The following ANKRD55 variants were observed in gnomAD, a reference collection of about 807,000 sequenced individuals.
ANKRD55 encodes the protein ankyrin repeat domain-containing protein 55.
A neutral mutation model predicts 60.6 loss-of-function variants in ANKRD55; 41 were observed. That is an observed-to-expected ratio of 0.68 (90% confidence interval 0.53 to 0.88). The LOEUF (loss-of-function observed/expected upper bound fraction) is 0.88, where lower values mean the gene tolerates loss of function less well. Ranked by LOEUF, ANKRD55 falls within the 40% of genes least tolerant of loss-of-function variation. The probability of loss-of-function intolerance (pLI) is 0.00; values close to 1 mark genes in which losing one functional copy is unlikely to be tolerated. For synonymous variants in ANKRD55, 264 were observed against 290.3 expected (o/e 0.91, Z 0.92); for missense variants, 732 against 767.6 (o/e 0.95, Z 0.55).
chr5:56,111,250 G>T lies in ANKRD55; in HGVS notation c.1498C>A (p.Gln500Lys), dbSNP rs1256832586. Residue 500 changes from glutamine (Q) to lysine (K), a missense_variant, in exon 10 of 12, where the codon CAG becomes AAG. Physicochemically the swap from Gln to Lys is moderately conservative, Grantham distance 53. Around this residue, in one of 3 missense-constraint regions of ANKRD55, gnomAD observed 597 missense variants for 607.5 expected, o/e 0.98. Transcript: ENST00000341048. ...LDNPWKSDSN[Q>K]VFSYKVWTVS... ...GTCCAAACTTTGTAGGAAAATACCT[G>T]ATTAGAATCACTCTTCCAGGGGTTA... 2 of 1,613,830 alleles carry T rather than the reference G, an allele frequency of 1.2e-6. No individual in the cohort carries two copies. Among genetic ancestry groups the T allele is most frequent in the Non-Finnish European group, 1.7e-6 (2 of 1,179,678 alleles).
At chr5:56,144,923 T>A (rs983205798) in intron 6 of ANKRD55, among the ~76,000 whole-genome samples, 1 of 152,186 alleles carries the variant, frequency 6.6e-6, no homozygotes, top group African/African-American at 2.4e-5. Flanking sequence ...TGAATTGAAA[T>A]GAAGATGCCT....
chr5:56,199,936 G>A (rs532448532), intron 2 of ANKRD55, among the ~76,000 whole-genome samples: 3 of 151,692 alleles, frequency 2.0e-5, no homozygotes, highest in African/African-American at 7.3e-5. Context: ...CTTGAGACCA[G>A]TAGTTGGAGA....
intron 2 of ANKRD55, among the ~76,000 whole-genome samples, chr5:56,199,717 T>C (rs534312397): frequency 3.6e-4 from 55 of 151,744 alleles, no homozygotes; most frequent in South Asian, 8.4e-4. Flanking sequence ...GGTGAAACCC[T>C]GTCTCTACTA....
chr5:56,135,368 C>CTTCTTTCTTTCCTTCTTTCT (rs1757565854), intron 7 of ANKRD55, among the ~76,000 whole-genome samples: 1 of 49,144 alleles, frequency 2.0e-5, no homozygotes, highest in African/African-American at 8.0e-5. Flanking sequence ...TCTTTCTTTC[C>CTTCTTTCTTTCCTTCTTTCT]TTCTTTCTTT....
chr5:56,103,328 C>T (rs1756346643), intron 10 of ANKRD55, among the ~76,000 whole-genome samples: 2 of 152,194 alleles, frequency 1.3e-5, no homozygotes, highest in African/African-American at 4.8e-5. Flanking sequence ...TGTATTTACA[C>T]CGTGAAAAAT....
At chr5:56,196,791 C>G (rs1759238005) in intron 2 of ANKRD55, among the ~76,000 whole-genome samples, 1 of 152,174 alleles carries the variant, frequency 6.6e-6, no homozygotes, top group South Asian at 2.1e-4. Context: ...CTGCAGACCC[C>G]AGTCTCAGAA....
intron 6 of ANKRD55, among the ~76,000 whole-genome samples, chr5:56,151,539 G>A (rs969485794): frequency 1.3e-5 from 2 of 152,018 alleles, no homozygotes; most frequent in East Asian, 1.9e-4. Flanking sequence ...TAGGCTGGGC[G>A]TGGTGGCTCA....
intron 2 of ANKRD55, chr5:56,192,658 C>T: frequency 3.8e-6 from 4 of 1,041,770 alleles, no homozygotes; most frequent in Non-Finnish European, 5.9e-6. Flanking sequence ...AGGGTGACAC[C>T]CAGACTAATG....
intron 2 of ANKRD55, among the ~76,000 whole-genome samples, chr5:56,230,993 C>T: frequency 6.6e-6 from 1 of 152,270 alleles, no homozygotes; most frequent in African/African-American, 2.4e-5. Flanking sequence ...TATTTTAGAT[C>T]CTCACAACAA....
chr5:56,152,082 G>A (rs496169), intron 6 of ANKRD55, among the ~76,000 whole-genome samples: 123,233 of 135,728 alleles, frequency 0.91, 56,238 homozygotes, highest in Non-Finnish European at 0.94. Context: ...GTGGGAGAGG[G>A]AGGTGGGGGC....
At chr5:56,130,027 C>T (rs1369715342) in intron 7 of ANKRD55, among the ~76,000 whole-genome samples, 2 of 152,168 alleles carry the variant, frequency 1.3e-5, no homozygotes, top group African/African-American at 4.8e-5. Context: ...AGAAACGTGC[C>T]TAATATCCCT....
At chr5:56,210,789 C>T (rs1274577844) in intron 2 of ANKRD55, among the ~76,000 whole-genome samples, 2 of 151,950 alleles carry the variant, frequency 1.3e-5, no homozygotes, top group Non-Finnish European at 2.9e-5. Context: ...CTTTATGAAA[C>T]CTTGTGCTTA....
chr5:56,134,113 ACT>A lies in ANKRD55; in HGVS notation c.613-7009_613-7008del, dbSNP rs1757494085. ...CTTAATATCAGAAATGAAAAAAGGT[ACT>A]TCACTACAGATCCCATGGACATTAA... On this transcript the variant is annotated intron_variant, in intron 7 of 11. Transcript: ENST00000341048. Among the ~76,000 whole-genome samples, 2 of 114,836 alleles carry A rather than the reference ACT, an allele frequency of 1.7e-5. 1 individual carries two copies. Among genetic ancestry groups the A allele is most frequent in the Non-Finnish European group, 4.1e-5 (2 of 48,528 alleles). 75.3% of individuals were successfully genotyped at this position (114,836 alleles called of 152,430 possible). A position where few individuals can be genotyped will look rare whatever the true frequency, so the allele number is the denominator to read the frequency against.
chr5:56,211,873 A>G (rs1407672865), intron 2 of ANKRD55, among the ~76,000 whole-genome samples: 1 of 152,200 alleles, frequency 6.6e-6, no homozygotes, highest in African/African-American at 2.4e-5. Flanking sequence ...TACAACAGGG[A>G]GGGAATTAAG....
chr5:56,208,715 G>A (rs927822793), intron 2 of ANKRD55, among the ~76,000 whole-genome samples: 8 of 151,970 alleles, frequency 5.3e-5, no homozygotes, highest in Non-Finnish European at 8.8e-5. Flanking sequence ...GAGCCACCGC[G>A]CCCAGTCCTG....
intron 2 of ANKRD55, among the ~76,000 whole-genome samples, chr5:56,199,298 G>A (rs1581016556): frequency 6.6e-6 from 1 of 152,022 alleles, no homozygotes; most frequent in South Asian, 2.1e-4. Context: ...AACTTTGCAG[G>A]GCCCGGCAAA....
chr5:56,103,319 G>A (rs1415816392), intron 10 of ANKRD55, among the ~76,000 whole-genome samples: 2 of 152,202 alleles, frequency 1.3e-5, no homozygotes, highest in African/African-American at 4.8e-5. Context: ...CATGGTGGGT[G>A]TATTTACACC....
intron 5 of ANKRD55, among the ~76,000 whole-genome samples, chr5:56,162,586 A>G (rs563624234): frequency 6.6e-6 from 1 of 151,824 alleles, no homozygotes; most frequent in East Asian, 1.9e-4. Context: ...GAAAGTGATA[A>G]CATTTTCCTG....
intron 2 of ANKRD55, among the ~76,000 whole-genome samples, chr5:56,211,703 C>T (rs542897896): frequency 2.6e-5 from 4 of 152,308 alleles, no homozygotes; most frequent in Admixed American, 1.3e-4. Context: ...CACTGACTCA[C>T]GGCAGCTTGT....
Sources: gnomAD v4.1 joint callset for allele counts (sites outside exome capture counted in the v4.1 genomes callset) on GRCh38, gnomAD v4.1.1 for gene constraint, gnomAD v4.1.1 regional missense constraint, MANE v1.5 for transcripts, NCBI Gene and HGNC (gene_info 2026-07-23, HGNC 2026-07-21) for gene names.